The following SPOCK3 variants were observed in gnomAD, a reference collection of about 807,000 sequenced individuals.
The protein encoded by SPOCK3 is testican-3.
A neutral mutation model predicts 56.6 loss-of-function variants in SPOCK3; 30 were observed. The ratio of observed to expected loss-of-function variants is 0.53; its 90% CI spans 0.40 to 0.72. The LOEUF (loss-of-function observed/expected upper bound fraction) is 0.72, where lower values mean the gene tolerates loss of function less well. Among genes scored for constraint, SPOCK3 ranks in the 30% least tolerant of loss-of-function variants. The probability of loss-of-function intolerance (pLI) is 0.00; values close to 1 mark genes in which losing one functional copy is unlikely to be tolerated. For missense variants in SPOCK3, 527 were observed against 530.0 expected (o/e 0.99, Z 0.06); for synonymous variants, 196 against 183.3 (o/e 1.07, Z -0.56).
At chr4:167,072,072 C>T (rs928311302) in intron 2 of SPOCK3, among the ~76,000 whole-genome samples, 2 of 152,032 alleles carry the variant, frequency 1.3e-5, no homozygotes, top group African/African-American at 4.8e-5. Context: ...CTGTTCTGAA[C>T]ACTTTACTCT....
At chr4:166,950,115 G>A (rs1001176879) in intron 4 of SPOCK3, among the ~76,000 whole-genome samples, 10 of 151,338 alleles carry the variant, frequency 6.6e-5, no homozygotes, top group African/African-American at 2.5e-4. Context: ...TGGACTAAAT[G>A]CTCCAATTAA....
At chr4:166,936,122 A>T (rs1445048363) in intron 4 of SPOCK3, among the ~76,000 whole-genome samples, 1 of 152,144 alleles carries the variant, frequency 6.6e-6, no homozygotes, top group Non-Finnish European at 1.5e-5. Context: ...TATTAATTAC[A>T]TTGACTAGTT....
chr4:167,077,628 C>G (rs1000007830), intron 2 of SPOCK3, among the ~76,000 whole-genome samples: 1 of 151,924 alleles, frequency 6.6e-6, no homozygotes, highest in African/African-American at 2.4e-5. Context: ...GAATGATTTT[C>G]TAATGTGGCC....
At chr4:166,768,098 G>T (rs1018692521) in intron 7 of SPOCK3, among the ~76,000 whole-genome samples, 2 of 151,910 alleles carry the variant, frequency 1.3e-5, no homozygotes, top group South Asian at 2.1e-4. Context: ...ATGTGAGATG[G>T]GTCTCCTGAA....
At chr4:167,205,392 T>A (rs1317435370) in intron 2 of SPOCK3, among the ~76,000 whole-genome samples, 25 of 39,574 alleles carry the variant, frequency 6.3e-4, no homozygotes, top group South Asian at 2.9e-3. Context: ...TATATATATT[T>A]TATATATAAT....
chr4:167,115,402 C>A (rs1053375018), intron 2 of SPOCK3, among the ~76,000 whole-genome samples: 4 of 149,964 alleles, frequency 2.7e-5, no homozygotes, highest in African/African-American at 9.8e-5. Context: ...CAGAATGAAG[C>A]ACCAAAATAA....
chr4:166,947,609 AAC>A (rs1316897804), intron 4 of SPOCK3, among the ~76,000 whole-genome samples: 1 of 152,180 alleles, frequency 6.6e-6, no homozygotes, highest in Non-Finnish European at 1.5e-5. Flanking sequence ...AGAAAAACGT[AAC>A]AGTTTTTCCT....
At chr4:166,772,945 T>C (rs545278235) in intron 7 of SPOCK3, among the ~76,000 whole-genome samples, 1 of 152,260 alleles carries the variant, frequency 6.6e-6, no homozygotes, top group East Asian at 1.9e-4. Context: ...CAAGCCACCA[T>C]GCCTGGCTAA....
intron 6 of SPOCK3, among the ~76,000 whole-genome samples, chr4:166,879,687 G>A (rs1050423293): frequency 2.0e-5 from 3 of 152,144 alleles, no homozygotes; most frequent in African/African-American, 7.2e-5. Flanking sequence ...GTTGGGAATG[G>A]GGGATGGAAG....
chr4:166,887,782 G>C (rs1734353895), intron 6 of SPOCK3, among the ~76,000 whole-genome samples: 1 of 151,322 alleles, frequency 6.6e-6, no homozygotes, highest in Non-Finnish European at 1.5e-5. Context: ...CGGGTGATGG[G>C]TGGGCCAGGA....
At chr4:167,162,662 G>A (rs910905436) in intron 2 of SPOCK3, among the ~76,000 whole-genome samples, 1 of 152,014 alleles carries the variant, frequency 6.6e-6, no homozygotes, top group Admixed American at 6.6e-5. Context: ...GTTACTGAAA[G>A]TGCTGCAGCT....
intron 2 of SPOCK3, among the ~76,000 whole-genome samples, chr4:167,154,710 C>T (rs1402950377): frequency 1.3e-5 from 2 of 152,138 alleles, no homozygotes; most frequent in Non-Finnish European, 2.9e-5. Flanking sequence ...CTGTGATCCT[C>T]TTGTAAATCA....
intron 2 of SPOCK3, among the ~76,000 whole-genome samples, chr4:167,180,297 T>C (rs1485321): frequency 0.73 from 111,136 of 151,906 alleles, 40,850 homozygotes; most frequent in African/African-American, 0.78. Flanking sequence ...GAGGTAGAAT[T>C]GAGGATGATT....
At chr4:166,784,264 T>C (rs981350956) in intron 7 of SPOCK3, among the ~76,000 whole-genome samples, 16 of 152,136 alleles carry the variant, frequency 1.1e-4, no homozygotes, top group Non-Finnish European at 1.8e-4. Context: ...GACACGATAA[T>C]GTAACAAAAT....
At chr4:166,801,321 C>T (rs141388514) in intron 6 of SPOCK3, among the ~76,000 whole-genome samples, 4,594 of 152,080 alleles carry the variant, frequency 0.03, 91 homozygotes, top group Middle Eastern at 0.051. Flanking sequence ...AAAACAATTT[C>T]TATTGTTTTA....
intron 2 of SPOCK3, among the ~76,000 whole-genome samples, chr4:167,116,649 T>C (rs1474213457): frequency 1.7e-4 from 17 of 99,414 alleles, no homozygotes; most frequent in African/African-American, 3.3e-4. Flanking sequence ...CGTATATATA[T>C]ACACATATAT....
intron 2 of SPOCK3, among the ~76,000 whole-genome samples, chr4:167,140,194 G>T (rs992276340): frequency 6.6e-6 from 1 of 151,980 alleles, no homozygotes; most frequent in Non-Finnish European, 1.5e-5. Context: ...TTTGAATTTG[G>T]TTTTCAGTTG....
chr4:167,165,244 C>A (rs1765656876), intron 2 of SPOCK3, among the ~76,000 whole-genome samples: 1 of 152,030 alleles, frequency 6.6e-6, no homozygotes, highest in East Asian at 1.9e-4. Flanking sequence ...TTCTGCACAG[C>A]AAAAGAAACC....
chr4:166,953,063 C>A (rs532435109), intron 4 of SPOCK3, among the ~76,000 whole-genome samples: 1,705 of 151,844 alleles, frequency 0.011, 31 homozygotes, highest in African/African-American at 0.039. Context: ...GCAATGGCAA[C>A]AAAAGCCAAA....
Sources: allele counts gnomAD v4.1 joint callset (sites outside exome capture counted in the v4.1 genomes callset), GRCh38; gene constraint gnomAD v4.1.1; transcripts MANE v1.5; gene names NCBI Gene and HGNC (gene_info 2026-07-23, HGNC 2026-07-21).